MAMDC2: variants seen among roughly 807,000 people sequenced by gnomAD.
MAMDC2 encodes the protein MAM domain containing 2, also known as MAM domain-containing protein 2.
MAMDC2 carries 57 observed loss-of-function variants against 89.8 expected under a neutral mutation model. That is an observed-to-expected ratio of 0.63 (90% confidence interval 0.51 to 0.79). The LOEUF is 0.79. MAMDC2 is among the 30% of genes least tolerant of loss of function. The pLI, the probability that MAMDC2 is intolerant of heterozygous loss-of-function variation, is 0.00. For synonymous variants in MAMDC2, 313 were observed against 293.4 expected (o/e 1.07, Z -0.68); for missense variants, 800 against 820.6 (o/e 0.97, Z 0.31).
chr9:70,142,923 G>A (rs1256819086), intron 8 of MAMDC2, among the ~76,000 whole-genome samples: 1 of 152,188 alleles, frequency 6.6e-6, no homozygotes, highest in Non-Finnish European at 1.5e-5. Flanking sequence ...GATGGTGGGA[G>A]GGGGAGGTTC....
intron 2 of MAMDC2, among the ~76,000 whole-genome samples, chr9:70,100,002 G>GAGAGAGAGAGAA (rs1828132356): frequency 6.8e-6 from 1 of 148,142 alleles, no homozygotes; most frequent in Non-Finnish European, 1.5e-5. Context: ...GAGAGAGAGA[G>GAGAGAGAGAGAA]AGAGAGAGAG....
At chr9:70,088,333 A>G (rs924561702) in intron 2 of MAMDC2, 1 of 152,126 alleles carries the variant, frequency 6.6e-6, no homozygotes, top group African/African-American at 2.4e-5. Context: ...TTAATCCTGT[A>G]GTTTCGTAGA....
intron 2 of MAMDC2, among the ~76,000 whole-genome samples, chr9:70,053,416 A>G (rs925381904): frequency 2.6e-5 from 4 of 152,336 alleles, no homozygotes; most frequent in Non-Finnish European, 4.4e-5. Flanking sequence ...AGTGTCTACT[A>G]TCCATCATGT....
chr9:70,202,708 C>T (rs1015189217), intron 11 of MAMDC2, among the ~76,000 whole-genome samples: 49 of 148,782 alleles, frequency 3.3e-4, no homozygotes, highest in Admixed American at 6.7e-5. Context: ...TTGTAGGTCA[C>T]TCAGGAATTG....
At chr9:70,087,985 A>G (rs1321939409) in intron 2 of MAMDC2, among the ~76,000 whole-genome samples, 1 of 152,182 alleles carries the variant, frequency 6.6e-6, no homozygotes, top group Non-Finnish European at 1.5e-5. Context: ...TAGAATTTAA[A>G]CATATCTAAA....
intron 9 of MAMDC2, among the ~76,000 whole-genome samples, chr9:70,166,869 AC>A (rs535475396): frequency 2.0e-5 from 3 of 151,944 alleles, no homozygotes; most frequent in Non-Finnish European, 2.9e-5. Flanking sequence ...CTTTAAAGCT[AC>A]CCCCCACACC....
chr9:70,121,350 G>A (rs2030274664), intron 5 of MAMDC2, among the ~76,000 whole-genome samples: 1 of 152,208 alleles, frequency 6.6e-6, no homozygotes, highest in South Asian at 2.1e-4. Context: ...GAAGGGGCCT[G>A]AGCACTGGCA....
intron 2 of MAMDC2, among the ~76,000 whole-genome samples, chr9:70,044,994 C>T (rs950196670): frequency 6.6e-6 from 1 of 152,184 alleles, no homozygotes; most frequent in Non-Finnish European, 1.5e-5. Context: ...GATTGTTCTC[C>T]GCTGTGGGCC....
chr9:70,110,028 A>T (rs539610377), intron 4 of MAMDC2, among the ~76,000 whole-genome samples: 1 of 152,354 alleles, frequency 6.6e-6, no homozygotes, highest in Admixed American at 6.5e-5. Context: ...TGGATTAATG[A>T]AAGAAATATA....
intron 2 of MAMDC2, among the ~76,000 whole-genome samples, chr9:70,075,758 T>C (rs1024317927): frequency 1.3e-5 from 2 of 152,174 alleles, no homozygotes; most frequent in African/African-American, 2.4e-5. Flanking sequence ...AAGTTACTCA[T>C]AGTGGCATTA....
chr9:70,115,969 T>C (rs1170364626), intron 5 of MAMDC2, among the ~76,000 whole-genome samples: 1 of 152,208 alleles, frequency 6.6e-6, no homozygotes, highest in Non-Finnish European at 1.5e-5. Context: ...TTTGCGATTG[T>C]TTTTCTGTCA....
intron 7 of MAMDC2, among the ~76,000 whole-genome samples, chr9:70,132,208 A>G (rs540132271): frequency 6.6e-6 from 1 of 152,346 alleles, no homozygotes; most frequent in African/African-American, 2.4e-5. Context: ...AAATGAGAGG[A>G]TTATTTTTAC....
chr9:70,187,352 C>T (rs764758381), intron 11 of MAMDC2, among the ~76,000 whole-genome samples: 6 of 151,802 alleles, frequency 4.0e-5, no homozygotes, highest in African/African-American at 1.2e-4. Flanking sequence ...TGAATCTTAG[C>T]GATGTTCAGT....
At position 70,198,160 on chromosome 9, in the gene MAMDC2, G is replaced by GTATATATA. The variant is rs755641073; in HGVS notation, c.1652-20162_1652-20155dup. ...AGAAAAAAGCATAGTGTGTATGTGT[G>GTATATATA]TATATATATATATATATATATACAC... On this transcript the variant is annotated intron_variant, in intron 11 of 13. Coordinates refer to ENST00000377182, the MANE Select transcript of MAMDC2 (RefSeq NM_153267.5). Among the ~76,000 whole-genome samples the GTATATATA allele has an allele frequency of 5.5e-3, 280 of 51,128 alleles. 1 individual carries two copies. The highest frequency in any genetic ancestry group is 9.8e-3 in the African/African-American group (180 of 18,332). 33.5% of individuals were successfully genotyped at this position (51,128 alleles called of 152,430 possible).
intron 5 of MAMDC2, among the ~76,000 whole-genome samples, chr9:70,123,655 A>G (rs780423741): frequency 1.2e-4 from 19 of 152,212 alleles, no homozygotes; most frequent in African/African-American, 2.4e-5. Flanking sequence ...AGAGGTCATT[A>G]GCTAAGATGA....
In MAMDC2 at chr9:70,140,130, T is replaced by C. The variant is rs776807614; in HGVS notation, c.995-15T>C. 28 of 1,549,518 alleles carry C rather than the reference T, an allele frequency of 1.8e-5. No individual in the cohort carries two copies. Among genetic ancestry groups the C allele is most frequent in the South Asian group, 3.8e-5 (3 of 78,054 alleles). On this transcript the variant is annotated splice_polypyrimidine_tract_variant and intron_variant, in intron 7 of 13. Transcript: ENST00000377182. ...TCTTTGGGACTGTCATTAACTTTGC[T>C]TGTCCTTTGCTCAGAACTTCTGTTC... is the stretch of plus-strand genomic sequence containing the variant.
intron 2 of MAMDC2, chr9:70,094,110 T>A (rs1020484514): frequency 2.6e-5 from 4 of 152,276 alleles, no homozygotes; most frequent in African/African-American, 9.6e-5. Flanking sequence ...CACTGGAGAT[T>A]GCCTCCTGGC....
rs374218911 is a variant in MAMDC2, at chr9:70,104,938, C to T, written c.149-3273C>T. On this transcript the variant is annotated intron_variant, in intron 2 of 13. Coordinates refer to ENST00000377182, the MANE Select transcript of MAMDC2 (RefSeq NM_153267.5). ...TTAAAAGGGTGAATTCTATGGAATGCGAATTATGTCTAAAGTTAACTTCCA... is the reference window on the plus strand; with the variant it reads ...TTAAAAGGGTGAATTCTATGGAATGTGAATTATGTCTAAAGTTAACTTCCA... Among the ~76,000 whole-genome samples the T allele has an allele frequency of 8.6e-5, 13 of 151,880 alleles. 1 individual carries two copies. The East Asian group carries it at 1.7e-3, about 20-fold the overall frequency.
At chr9:70,199,924 T>G (rs1340023820) in intron 11 of MAMDC2, among the ~76,000 whole-genome samples, 1 of 152,168 alleles carries the variant, frequency 6.6e-6, no homozygotes, top group South Asian at 2.1e-4. Flanking sequence ...TAAATTTGTT[T>G]GAGTTCATTG....
Sources: allele counts gnomAD v4.1 joint callset (sites outside exome capture counted in the v4.1 genomes callset), GRCh38; gene constraint gnomAD v4.1.1; transcripts MANE v1.5; gene names NCBI Gene and HGNC (gene_info 2026-07-23, HGNC 2026-07-21).